Variants in MACROD2 observed in about 807,000 individuals in gnomAD.
MACROD2 encodes the protein ADP-ribose glycohydrolase MACROD2.
MACROD2 carries 36 observed loss-of-function variants against 70.4 expected under a neutral mutation model. The observed-to-expected ratio is 0.51, with a 90% CI of 0.39 to 0.68. MACROD2 has a LOEUF of 0.68. Among genes scored for constraint, MACROD2 ranks in the 30% least tolerant of loss-of-function variants. MACROD2 has a pLI of 0.00. For missense variants in MACROD2, 496 were observed against 538.4 expected (o/e 0.92, Z 0.78); for synonymous variants, 172 against 178.8 (o/e 0.96, Z 0.30).
chr20:15,860,038 G>A (rs572531372), intron 8 of MACROD2, among the ~76,000 whole-genome samples: 136 of 152,206 alleles, frequency 8.9e-4, no homozygotes, highest in Non-Finnish European at 1.6e-3. Context: ...AGGAGACTGA[G>A]GCAAGAGAAT....
chr20:14,846,974 G>A (rs2024899), intron 5 of MACROD2, among the ~76,000 whole-genome samples: 50,120 of 151,732 alleles, frequency 0.33, 9,167 homozygotes, highest in Non-Finnish European at 0.41. Flanking sequence ...TAAAAGTTAT[G>A]CCTTCAGTTT....
intron 10 of MACROD2, among the ~76,000 whole-genome samples, chr20:15,909,745 G>C (rs6080015): frequency 0.064 from 9,676 of 151,734 alleles, 394 homozygotes; most frequent in African/African-American, 0.11. Flanking sequence ...GGATGGTCTC[G>C]ATCTCCTGAC....
At chr20:14,558,625 C>T (rs60273334) in intron 4 of MACROD2, among the ~76,000 whole-genome samples, 1 of 151,670 alleles carries the variant, frequency 6.6e-6, no homozygotes, top group African/African-American at 2.4e-5. Flanking sequence ...AACAATTTAT[C>T]AGGAAAACAT....
chr20:14,336,260 T>C (rs1231534206), intron 3 of MACROD2, among the ~76,000 whole-genome samples: 2 of 152,150 alleles, frequency 1.3e-5, no homozygotes, highest in Non-Finnish European at 2.9e-5. Flanking sequence ...TAGACAGATT[T>C]ATTAAGAATG....
intron 5 of MACROD2, among the ~76,000 whole-genome samples, chr20:14,917,074 G>T (rs1175486339): frequency 1.3e-5 from 2 of 151,318 alleles, no homozygotes; most frequent in East Asian, 3.9e-4. Flanking sequence ...TTCTTCCTCG[G>T]GGTGGAGTGT....
chr20:15,254,806 G>T (rs2077184472), intron 6 of MACROD2, among the ~76,000 whole-genome samples: 2 of 151,958 alleles, frequency 1.3e-5, no homozygotes, highest in South Asian at 4.2e-4. Flanking sequence ...TAATCCTAGA[G>T]AATTTTAGAG....
chr20:15,456,295 A>G (rs1404300488), intron 7 of MACROD2, among the ~76,000 whole-genome samples: 1 of 152,094 alleles, frequency 6.6e-6, no homozygotes, highest in Non-Finnish European at 1.5e-5. Flanking sequence ...TTGCATACAC[A>G]GTTCCTTCCC....
chr20:15,605,628 T>A (rs369545991), intron 8 of MACROD2, among the ~76,000 whole-genome samples: 31 of 152,246 alleles, frequency 2.0e-4, no homozygotes, highest in East Asian at 1.4e-3. Context: ...TGTAATCACA[T>A]GAGGTCACAT....
At chr20:14,882,808 G>T (rs1301246914) in intron 5 of MACROD2, among the ~76,000 whole-genome samples, 2 of 151,864 alleles carry the variant, frequency 1.3e-5, no homozygotes, top group Non-Finnish European at 2.9e-5. Flanking sequence ...ATAAAGTTTA[G>T]ATCGCTCCCT....
chr20:14,730,759 C>T (rs996715863), intron 5 of MACROD2, among the ~76,000 whole-genome samples: 3 of 151,596 alleles, frequency 2.0e-5, no homozygotes, highest in Non-Finnish European at 2.9e-5. Context: ...TAATAGCATC[C>T]GTTCATAAGA....
At chr20:14,900,599 ATTAG>A (rs1311590010) in intron 5 of MACROD2, among the ~76,000 whole-genome samples, 2 of 151,902 alleles carry the variant, frequency 1.3e-5, no homozygotes, top group Non-Finnish European at 2.9e-5. Flanking sequence ...TTGGTCTACA[ATTAG>A]TTATAGTATT....
intron 12 of MACROD2, among the ~76,000 whole-genome samples, chr20:15,938,734 A>G (rs1378293795): frequency 1.3e-5 from 2 of 152,152 alleles, no homozygotes; most frequent in African/African-American, 4.8e-5. Context: ...AAAGCTAGCT[A>G]TGTTTAAGCT....
chr20:14,281,606 G>C (rs767555459), intron 3 of MACROD2, among the ~76,000 whole-genome samples: 7 of 151,942 alleles, frequency 4.6e-5, no homozygotes, highest in Non-Finnish European at 1.0e-4. Flanking sequence ...CTTTACAATG[G>C]TGAATTTTAT....
At chr20:14,141,071 A>G (rs573046602) in intron 3 of MACROD2, among the ~76,000 whole-genome samples, 4 of 152,280 alleles carry the variant, frequency 2.6e-5, no homozygotes, top group Non-Finnish European at 4.4e-5. Flanking sequence ...TGTGTTGGGT[A>G]GGGCAGATAT....
intron 6 of MACROD2, among the ~76,000 whole-genome samples, chr20:15,265,126 C>T (rs2077281907): frequency 6.6e-6 from 1 of 152,166 alleles, no homozygotes; most frequent in African/African-American, 2.4e-5. Flanking sequence ...TAGTCTTTGG[C>T]TTTAGAATTG....
At chr20:14,158,348 G>A (rs1323857964) in intron 3 of MACROD2, among the ~76,000 whole-genome samples, 2 of 152,034 alleles carry the variant, frequency 1.3e-5, no homozygotes, top group Non-Finnish European at 2.9e-5. Flanking sequence ...CTTGTTGAAC[G>A]AGTGGTTTGC....
chr20:15,872,661 A>C (rs2064602601), intron 9 of MACROD2, among the ~76,000 whole-genome samples: 1 of 152,210 alleles, frequency 6.6e-6, no homozygotes, highest in African/African-American at 2.4e-5. Flanking sequence ...TTTATTTCTT[A>C]TTACAATTTT....
chr20:14,317,024 C>T (rs964364275), intron 3 of MACROD2, among the ~76,000 whole-genome samples: 1 of 152,134 alleles, frequency 6.6e-6, no homozygotes, highest in Non-Finnish European at 1.5e-5. Context: ...TTATTCAGGC[C>T]TACCTTGCTG....
chr20:15,760,246 C>T (rs1004591948), intron 8 of MACROD2, among the ~76,000 whole-genome samples: 3 of 152,214 alleles, frequency 2.0e-5, no homozygotes, highest in Admixed American at 2.0e-4. Context: ...AAACCAAAGG[C>T]TTGACAGCAG....
Sources: allele counts gnomAD v4.1 joint callset (sites outside exome capture counted in the v4.1 genomes callset), GRCh38; gene constraint gnomAD v4.1.1; transcripts MANE v1.5; gene names NCBI Gene and HGNC (gene_info 2026-07-23, HGNC 2026-07-21).